PCDH17: variants seen among roughly 807,000 people sequenced by gnomAD.
PCDH17 encodes protocadherin 17.
PCDH17 carries 21 observed loss-of-function variants against 67.7 expected under a neutral mutation model. The observed-to-expected ratio is 0.31, with a 90% confidence interval of 0.22 to 0.45. The LOEUF (loss-of-function observed/expected upper bound fraction) is 0.45. Among genes scored for constraint, PCDH17 ranks in the 20% least tolerant of loss-of-function variants. PCDH17 has a pLI of 1.00. For missense variants in PCDH17, 1,471 were observed against 1,564.8 expected (o/e 0.94, Z 1.01); for synonymous variants, 701 against 656.7 (o/e 1.07, Z -1.03).
chr13:57,644,731 C>A (rs553892945), intron 1 of PCDH17, among the ~76,000 whole-genome samples: 1 of 151,482 alleles, frequency 6.6e-6, no homozygotes, highest in Non-Finnish European at 1.5e-5. Context: ...TCAGTTTTTC[C>A]GTAGTAAATC....
chr13:57,708,520 G>C (rs752792671), intron 3 of PCDH17, among the ~76,000 whole-genome samples: 1 of 151,838 alleles, frequency 6.6e-6, no homozygotes, highest in East Asian at 1.9e-4. Context: ...AAACATGTGC[G>C]TGAGGCAGAC....
rs1955925690 is a variant in PCDH17, at chr13:57,727,751, G to A, written c.*2457G>A. The stretch of plus-strand genomic sequence containing the variant: ...ATGTTATTTTTGCCAGGAGACTACA[G>A]GTTGATTTAGCTTGATAGCTGAAAT... On this transcript the variant is annotated 3_prime_UTR_variant, in exon 4 of 4. Coordinates refer to ENST00000377918, the MANE Select transcript of PCDH17 (RefSeq NM_001040429.3). The A allele has an allele frequency of 6.6e-6, 1 of 152,092 alleles. No individual in the cohort carries two copies. Among genetic ancestry groups the A allele is most frequent in the South Asian group, 2.1e-4 (1 of 4,824 alleles). The allele number at this position is 152,092 out of a possible 1,614,324, so 9.4% of individuals were successfully genotyped here.
At chr13:57,701,330 G>A (rs1490141560) in intron 3 of PCDH17, among the ~76,000 whole-genome samples, 1 of 152,024 alleles carries the variant, frequency 6.6e-6, no homozygotes, top group Non-Finnish European at 1.5e-5. Flanking sequence ...AAAGTGATGG[G>A]AAAATAACGT....
intron 3 of PCDH17, among the ~76,000 whole-genome samples, chr13:57,700,321 C>CTTT (rs1238464454): frequency 2.2e-5 from 3 of 137,900 alleles, no homozygotes; most frequent in African/African-American, 5.5e-5. Context: ...CTCTCTCTCT[C>CTTT]TTTTTTTTTT....
At chr13:57,697,936 C>A (rs9569727) in intron 3 of PCDH17, among the ~76,000 whole-genome samples, 47,662 of 151,162 alleles carry the variant, frequency 0.32, 8,121 homozygotes, top group East Asian at 0.53. Context: ...TTCTATCAGT[C>A]TTTCAAATAT....
At chr13:57,659,966 CT>C (rs1434388985) in intron 1 of PCDH17, among the ~76,000 whole-genome samples, 1 of 152,032 alleles carries the variant, frequency 6.6e-6, no homozygotes, top group African/African-American at 2.4e-5. Context: ...GGTTCGGTGG[CT>C]TATGCCTGTA....
At chr13:57,650,292 C>A (rs1198708649) in intron 1 of PCDH17, among the ~76,000 whole-genome samples, 2 of 147,902 alleles carry the variant, frequency 1.4e-5, no homozygotes, top group African/African-American at 5.0e-5. Context: ...TGGAGCTACT[C>A]CACTGAGACC....
chr13:57,688,402 C>T (rs1387228928), intron 3 of PCDH17, among the ~76,000 whole-genome samples: 2 of 151,926 alleles, frequency 1.3e-5, no homozygotes, highest in Non-Finnish European at 2.9e-5. Flanking sequence ...CTAATTGACA[C>T]ATTGACTAAA....
At chr13:57,685,271 C>T (rs1955494859) in intron 3 of PCDH17, among the ~76,000 whole-genome samples, 1 of 151,800 alleles carries the variant, frequency 6.6e-6, no homozygotes, top group Non-Finnish European at 1.5e-5. Flanking sequence ...ATATGTAATA[C>T]CTATTAAAAA....
At chr13:57,673,114 A>C (rs924016357) in intron 3 of PCDH17, among the ~76,000 whole-genome samples, 1 of 151,932 alleles carries the variant, frequency 6.6e-6, no homozygotes, top group African/African-American at 2.4e-5. Flanking sequence ...CAGTAAATGT[A>C]CTTAATCTAA....
chr13:57,666,318 C>G, intron 1 of PCDH17, 150 bp from the exon 2 acceptor site: 4 of 646,512 alleles, frequency 6.2e-6, no homozygotes, highest in Non-Finnish European at 8.3e-6. Flanking sequence ...AATTACATGT[C>G]AGCAATTTCC....
intron 3 of PCDH17, among the ~76,000 whole-genome samples, chr13:57,712,774 C>T (rs556286785): frequency 6.6e-6 from 1 of 151,254 alleles, no homozygotes; most frequent in East Asian, 2.0e-4. Context: ...ATATGAATTC[C>T]TTTTTAGATT....
rs777308681 is a variant in PCDH17 at position 57,633,247 on chromosome 13, T to C, written c.701T>C (p.Ile234Thr). The C allele has an allele frequency of 5.6e-6, 9 of 1,613,198 alleles. No homozygotes were observed. The South Asian group carries it at 6.6e-5, about 12-fold the overall frequency. The change falls in exon 1 of 4, where the codon ATT (isoleucine) becomes ACT (threonine). Residue 234 changes from isoleucine (I) to threonine (T), a missense_variant. Ile to Thr is a moderately conservative substitution (Grantham distance 89, BLOSUM62 -1). Around this residue, in one of 3 missense-constraint regions of PCDH17, gnomAD observed 1,163 missense variants for 1,230.0 expected, o/e 0.95. Coordinates refer to ENST00000377918, the MANE Select transcript of PCDH17 (RefSeq NM_001040429.3). This position sits in a 1 kb window ranked among gnomAD's most constrained non-coding sequence, Gnocchi z 6.2. ...SATVQINVKVIDSNDNSPVFE... is the reference protein window; with the variant it reads ...SATVQINVKVTDSNDNSPVFE... ...ACCGTACAGATCAACGTGAAGGTGA[T>C]TGACTCCAACGACAACAGCCCGGTC...
chr13:57,648,548 T>A (rs1954995579), intron 1 of PCDH17, among the ~76,000 whole-genome samples: 1 of 151,938 alleles, frequency 6.6e-6, no homozygotes, highest in African/African-American at 2.4e-5. Flanking sequence ...TTTGAATAAA[T>A]AAAGGCTTAA....
intron 3 of PCDH17, among the ~76,000 whole-genome samples, chr13:57,700,508 G>A (rs1470340801): frequency 2.0e-5 from 3 of 151,740 alleles, no homozygotes; most frequent in African/African-American, 7.3e-5. Context: ...TAGTAGAGAC[G>A]GGGTTTCATC....
At chr13:57,710,290 G>A (rs541728495) in intron 3 of PCDH17, among the ~76,000 whole-genome samples, 1 of 151,730 alleles carries the variant, frequency 6.6e-6, no homozygotes, top group Non-Finnish European at 1.5e-5. Context: ...TTAGCTAAGT[G>A]TTACTTTGTG....
At chr13:57,703,299 C>T (rs1955686444) in intron 3 of PCDH17, among the ~76,000 whole-genome samples, 1 of 152,074 alleles carries the variant, frequency 6.6e-6, no homozygotes, top group Non-Finnish European at 1.5e-5. Context: ...GAGAGGAAAA[C>T]TTATAGATAA....
chr13:57,653,787 T>C (rs1013488230), intron 1 of PCDH17, among the ~76,000 whole-genome samples: 2 of 152,134 alleles, frequency 1.3e-5, no homozygotes, highest in Non-Finnish European at 2.9e-5. Flanking sequence ...AAGTACACTC[T>C]AGAGGAATTT....
intron 1 of PCDH17, among the ~76,000 whole-genome samples, chr13:57,647,196 A>T (rs1465698069): frequency 6.6e-6 from 1 of 151,864 alleles, no homozygotes; most frequent in Non-Finnish European, 1.5e-5. Flanking sequence ...TAGTCTTTAT[A>T]TCAAACCTTA....
Sources: gnomAD v4.1 joint callset for allele counts (sites outside exome capture counted in the v4.1 genomes callset) on GRCh38, gnomAD v4.1.1 for gene constraint, gnomAD v4.1.1 regional missense constraint, Gnocchi (gnomAD v3.1) non-coding constraint, MANE v1.5 for transcripts, NCBI Gene and HGNC (gene_info 2026-07-23, HGNC 2026-07-21) for gene names.